CLK2: variants seen among roughly 807,000 people sequenced by gnomAD.
CLK2 encodes CDC like kinase 2, also known as dual specificity protein kinase CLK2.
CLK2 carries 12 observed loss-of-function variants against 73.5 expected under a neutral mutation model. The observed-to-expected ratio is 0.16, with a 90% CI of 0.10 to 0.26. The LOEUF is 0.26. CLK2 is among the 10% of genes least tolerant of loss of function. The pLI is 1.00. For missense variants in CLK2, 509 were observed against 688.4 expected (o/e 0.74, Z 2.92); for synonymous variants, 232 against 237.9 (o/e 0.98, Z 0.23).
In CLK2 at chr1:155,270,542, T is replaced by C. The variant is rs77278863; in HGVS notation, c.170+266A>G. ...TGACTCTACTTGTCCTCCAGACATATACAGATGTTGCTTTCTCTGCAATGT... is the reference window on the plus strand; with the variant it reads ...TGACTCTACTTGTCCTCCAGACATACACAGATGTTGCTTTCTCTGCAATGT... On this transcript the variant is annotated intron_variant, in intron 2 of 12. Coordinates refer to ENST00000368361, the MANE Select transcript of CLK2 (RefSeq NM_001294338.2). Among the ~76,000 whole-genome samples, 863 of 151,870 alleles carry C rather than the reference T, an allele frequency of 5.7e-3. 9 individuals are homozygous for C. Among genetic ancestry groups the C allele is most frequent in the African/African-American group, 0.02 (841 of 41,228 alleles).
In CLK2 at chr1:155,263,292, G is replaced by GC; in HGVS notation, c.1425dup (p.His476AlafsTer10). 6.2e-7 allele frequency: 1 copy of GC among 1,614,184 alleles called. No homozygotes were observed. The highest frequency in any genetic ancestry group is 2.2e-5 in the East Asian group (1 of 44,888). On this transcript the variant is annotated frameshift_variant, in exon 13 of 13. Transcript: ENST00000368361. LOFTEE classifies it high-confidence loss of function. ...GCCCGAAGGCGGGCGAAGAAAGGAT[G>GC]CTGAAGGGCTTCACCCAAGGTCAGC...
chr1:155,267,685 C>A (rs185978922), intron 6 of CLK2, among the ~76,000 whole-genome samples: 3 of 152,216 alleles, frequency 2.0e-5, no homozygotes, highest in Admixed American at 6.5e-5. Context: ...CATAGTTCTA[C>A]TTATAAAAGC....
At chr1:155,270,049 C>A (rs959663016) in intron 2 of CLK2, among the ~76,000 whole-genome samples, 10 of 152,162 alleles carry the variant, frequency 6.6e-5, no homozygotes, top group African/African-American at 2.4e-4. Context: ...TTAACCCATT[C>A]TTTCCACTGA....
chr1:155,271,381 A>G (rs1282407989), intron 1 of CLK2, among the ~76,000 whole-genome samples: 1 of 151,644 alleles, frequency 6.6e-6, no homozygotes, highest in African/African-American at 2.4e-5. Flanking sequence ...ACGCACCACC[A>G]CTCCTGGCTA....
chr1:155,270,822 A>T lies in CLK2; in HGVS notation c.156T>A (p.His52Gln). The change falls in exon 2 of 13, where the codon CAT (histidine) becomes CAA (glutamine). Residue 52 changes from histidine to glutamine, a missense_variant. This residue lies in a region of CLK2 where 222 missense variants were observed against 221.7 expected (regional missense o/e 1.00). Coordinates refer to ENST00000368361, the MANE Select transcript of CLK2 (RefSeq NM_001294338.2). ...TRRRRREDSY[H>Q]VRSRSSYDDR... ...TGAGGCCTCACCTTCGAGAACGGACATGGTAGCTGTCCTCTCGCCGACGCC... is the reference window on the plus strand; with the variant it reads ...TGAGGCCTCACCTTCGAGAACGGACTTGGTAGCTGTCCTCTCGCCGACGCC... 2 of 1,608,328 alleles carry T rather than the reference A, an allele frequency of 1.2e-6. No homozygotes were observed. Among genetic ancestry groups the T allele is most frequent in the Non-Finnish European group, 1.7e-6 (2 of 1,175,022 alleles).
intron 2 of CLK2, among the ~76,000 whole-genome samples, chr1:155,270,094 C>T (rs2148144792): frequency 6.6e-6 from 1 of 152,024 alleles, no homozygotes; most frequent in African/African-American, 2.4e-5. Context: ...GGGCCGGGCA[C>T]AGTGGCTCAC....
rs746984465 is a variant in CLK2, at chr1:155,268,099, G to A, written c.582C>T (p.Ile194=). The change falls in exon 6 of 13, where the codon ATC becomes ATT. Residue 194 remains isoleucine (I), a synonymous_variant. Coordinates refer to ENST00000368361, the MANE Select transcript of CLK2 (RefSeq NM_001294338.2). The surrounding 1 kb of genome is among the most constrained non-coding windows in gnomAD (Gnocchi z 5.6). ...RRGGARVALK[I]IKNVEKYKEA... is the part of the protein sequence containing the mutation. ...CCTTGTACTTCTCCACATTCTTAAT[G>A]ATCTTCAGGGCAACTCGAGCCCCAC... The A allele has an allele frequency of 6.2e-7, 1 of 1,614,108 alleles. No homozygotes were observed. Among genetic ancestry groups the A allele is most frequent in the Non-Finnish European group, 8.5e-7 (1 of 1,179,994 alleles).
chr1:155,268,664 T>A lies in CLK2; in HGVS notation c.487+44A>T. ...TTGGCTTGGGACGTTAGGATGGCTATGGGACCATTACAGGCTATAGGATTG... is the reference window on the plus strand; with the variant it reads ...TTGGCTTGGGACGTTAGGATGGCTAAGGGACCATTACAGGCTATAGGATTG... On this transcript the variant is annotated intron_variant, in intron 4 of 12. Coordinates refer to ENST00000368361, the MANE Select transcript of CLK2 (RefSeq NM_001294338.2). This position sits in a 1 kb window ranked among gnomAD's most constrained non-coding sequence, Gnocchi z 5.6. 1 of 1,555,510 alleles carries A rather than the reference T, an allele frequency of 6.4e-7. No homozygotes were observed. The highest frequency in any genetic ancestry group is 8.9e-7 in the Non-Finnish European group (1 of 1,126,492).
chr1:155,265,333 G>A (rs886173189), intron 8 of CLK2, among the ~76,000 whole-genome samples: 3 of 152,088 alleles, frequency 2.0e-5, no homozygotes, highest in Non-Finnish European at 2.9e-5. Context: ...CTGGGAGCCC[G>A]AGACAGGCAG....
Position 155,269,829 on chromosome 1 carries a change from C to G in CLK2, c.171-113G>C, listed in dbSNP as rs1314827955. On this transcript the variant is annotated intron_variant, in intron 2 of 12. Coordinates refer to ENST00000368361, the MANE Select transcript of CLK2 (RefSeq NM_001294338.2). ...CAAAGAGTAATGCTAGAAAACTGTT[C>G]TCAGACACTTGTTGAGTCACTGAGA... The G allele has an allele frequency of 5.1e-6, 5 of 977,774 alleles. No individual in the cohort carries two copies. In the East Asian group the frequency reaches 1.3e-4, roughly 25 times the overall value. The allele number at this position is 977,774 out of a possible 1,614,324, so 60.6% of individuals were successfully genotyped here. A position where few individuals can be genotyped will look rare whatever the true frequency, so the allele number is the denominator to read the frequency against.
At chr1:155,272,424 A>G (rs1673556461) in intron 1 of CLK2, among the ~76,000 whole-genome samples, 1 of 152,172 alleles carries the variant, frequency 6.6e-6, no homozygotes, top group African/African-American at 2.4e-5. Context: ...TCCTTCAAGG[A>G]AAAAAGAGAA....
chr1:155,272,279 G>A (rs1258538219), intron 1 of CLK2, among the ~76,000 whole-genome samples: 1 of 152,194 alleles, frequency 6.6e-6, no homozygotes, highest in South Asian at 2.1e-4. Flanking sequence ...GCCTCCCAAA[G>A]TGCTGGGATT....
Position 155,263,318 on chromosome 1 carries a change from C to T in CLK2, c.1400G>A (p.Arg467Gln). The T allele has an allele frequency of 6.2e-7, 1 of 1,614,182 alleles. No individual in the cohort carries two copies. Among genetic ancestry groups the T allele is most frequent in the Non-Finnish European group, 8.5e-7 (1 of 1,180,046 alleles). ...ESMLEYEPAK[R>Q]LTLGEALQHP... is the part of the protein sequence containing the mutation. Reference sequence around the variant, plus strand: ...CTGAAGGGCTTCACCCAAGGTCAGCCGCTTAGCTGGTTCATACTCTAGCAT... The same window carrying T: ...CTGAAGGGCTTCACCCAAGGTCAGCTGCTTAGCTGGTTCATACTCTAGCAT... Residue 467 changes from arginine to glutamine, a missense_variant, in exon 13 of 13, where the codon CGG (arginine) becomes CAG (glutamine). Around this residue, in one of 6 missense-constraint regions of CLK2, gnomAD observed 134 missense variants for 146.0 expected, o/e 0.92. Transcript: ENST00000368361.
At chr1:155,271,065 G>C in intron 1 of CLK2, 88 bp from the exon 2 acceptor site, 1 of 1,334,436 alleles carries the variant, frequency 7.5e-7, no homozygotes, top group Non-Finnish European at 1.1e-6. Context: ...ATGCTAAGCT[G>C]CTTTCCCCTC....
intron 1 of CLK2, among the ~76,000 whole-genome samples, chr1:155,272,650 A>G (rs1673566248): frequency 1.3e-5 from 2 of 152,250 alleles, no homozygotes; most frequent in East Asian, 1.9e-4. Flanking sequence ...TGGGGCCGGT[A>G]GCATACCAAG....
chr1:155,268,681 A>G lies in CLK2; in HGVS notation c.487+27T>C. The G allele has an allele frequency of 1.3e-6, 2 of 1,597,902 alleles. No individual in the cohort carries two copies. Among genetic ancestry groups the G allele is most frequent in the Non-Finnish European group, 8.6e-7 (1 of 1,165,362 alleles). On this transcript the variant is annotated intron_variant, in intron 4 of 12. Transcript: ENST00000368361. This position sits in a 1 kb window ranked among gnomAD's most constrained non-coding sequence, Gnocchi z 5.6. Reference sequence around the variant, plus strand: ...GATGGCTATGGGACCATTACAGGCTATAGGATTGTTACGATTTGGCTTGTA... The same window carrying G: ...GATGGCTATGGGACCATTACAGGCTGTAGGATTGTTACGATTTGGCTTGTA...
At position 155,269,573 on chromosome 1, in the gene CLK2, T is replaced by C; in HGVS notation, c.314A>G (p.Asn105Ser). Residue 105 changes from asparagine to serine, a missense_variant, in exon 3 of 13, where the codon AAC becomes AGC. Physicochemically the swap from Asn to Ser is conservative, Grantham distance 46. This residue lies in a region of CLK2 where 222 missense variants were observed against 221.7 expected (regional missense o/e 1.00). Coordinates refer to ENST00000368361, the MANE Select transcript of CLK2 (RefSeq NM_001294338.2). ...GCTGCGCTGGCTGCGGTAACTGCTGTTCTCCCGCTGATATTCATAGGAATG... is the reference window on the plus strand; with the variant it reads ...GCTGCGCTGGCTGCGGTAACTGCTGCTCTCCCGCTGATATTCATAGGAATG... ...YRHSYEYQRE[N>S]SSYRSQRSSR... 38 of 1,614,212 alleles carry C rather than the reference T, an allele frequency of 2.4e-5. No homozygotes were observed. The highest frequency in any genetic ancestry group is 3.1e-5 in the Non-Finnish European group (37 of 1,180,046).
intron 8 of CLK2, 137 bp downstream of exon 8, chr1:155,265,723 G>A (rs1248570553): frequency 8.4e-6 from 6 of 712,412 alleles, no homozygotes; most frequent in Non-Finnish European, 1.6e-5. Context: ...AACCTATTTA[G>A]TTTTACCCAG....
chr1:155,267,417 T>A (rs973118906), intron 6 of CLK2, among the ~76,000 whole-genome samples: 1 of 152,188 alleles, frequency 6.6e-6, no homozygotes, highest in African/African-American at 2.4e-5. Context: ...TCCTGCGTCA[T>A]TTTAAATAGT....
Sources: allele counts gnomAD v4.1 joint callset (sites outside exome capture counted in the v4.1 genomes callset), GRCh38; gene constraint gnomAD v4.1.1; regional missense constraint gnomAD v4.1.1; non-coding constraint Gnocchi (gnomAD v3.1); transcripts MANE v1.5; gene names NCBI Gene and HGNC (gene_info 2026-07-23, HGNC 2026-07-21).